The following DUOX1 variants were observed in gnomAD, a reference collection of about 807,000 sequenced individuals.
The protein encoded by DUOX1 is dual oxidase 1, also known as NADPH thyroid oxidase 1.
A neutral mutation model predicts 181.8 loss-of-function variants in DUOX1; 134 were observed. That is an observed-to-expected ratio of 0.74 (90% CI 0.64 to 0.85). The LOEUF (loss-of-function observed/expected upper bound fraction) is 0.85, where lower values mean the gene tolerates loss of function less well. DUOX1 is among the 40% of genes least tolerant of loss of function. The pLI is 0.00. For synonymous variants in DUOX1, 798 were observed against 832.5 expected (o/e 0.96, Z 0.71); for missense variants, 1,814 against 2,064.4 (o/e 0.88, Z 2.35).
chr15:45,141,343 C>A lies in DUOX1; in HGVS notation c.1617C>A (p.Asp539Glu). 6.2e-7 allele frequency: 1 copy of A among 1,614,258 alleles called. No homozygotes were observed. The change falls in exon 14 of 34, where the codon GAC becomes GAA. Residue 539 changes from aspartate to glutamate, a missense_variant. This residue lies in a region of DUOX1 where 1,064 missense variants were observed against 1,152.9 expected (regional missense o/e 0.92). Coordinates refer to ENST00000389037, the MANE Select transcript of DUOX1 (RefSeq NM_175940.3). ...AAATCCGAAATACCACCCTGCAGGACGTGCTGGTCGCTGTTATCAACATTG... is the reference window on the plus strand; with the variant it reads ...AAATCCGAAATACCACCCTGCAGGAAGTGCTGGTCGCTGTTATCAACATTG... ...IEEIRNTTLQ[D>E]VLVAVINIDP...
In DUOX1 at chr15:45,151,191, T is replaced by G. The variant is rs752319592; in HGVS notation, c.2957T>G (p.Leu986Arg). The G allele has an allele frequency of 1.2e-6, 2 of 1,614,212 alleles. No individual in the cohort carries two copies. Among genetic ancestry groups the G allele is most frequent in the Non-Finnish European group, 1.7e-6 (2 of 1,180,032 alleles). The change falls in exon 23 of 34, where the codon CTG (leucine) becomes CGG (arginine). Residue 986 changes from leucine (L) to arginine (R), a missense_variant. Coordinates refer to ENST00000389037, the MANE Select transcript of DUOX1 (RefSeq NM_175940.3). ...GAGACTGAGTTGACACCTCAGAGAC[T>G]GCAGTGCCCCATGGACACAGACCCT... ...DIETELTPQR[L>R]QCPMDTDPPQ... is the part of the protein sequence containing the mutation.
At position 45,151,057 on chromosome 15, in the gene DUOX1, C is replaced by T. The variant is rs1896788571; in HGVS notation, c.2889-66C>T. 8 of 1,595,234 alleles carry T rather than the reference C, an allele frequency of 5.0e-6. No individual in the cohort carries two copies. In the Admixed American group the frequency reaches 8.5e-5, roughly 17 times the overall value. The stretch of plus-strand genomic sequence containing the variant: ...TCAGCAGAATGGGTTTGGAGGCAGA[C>T]CAGGATAGCAGAGGAACGAGTGGTT... On this transcript the variant is annotated intron_variant, in intron 22 of 33. Coordinates refer to ENST00000389037, the MANE Select transcript of DUOX1 (RefSeq NM_175940.3).
chr15:45,139,205 T>TG, intron 11 of DUOX1, 37 bp downstream of exon 11: 1 of 1,613,716 alleles, frequency 6.2e-7, no homozygotes, highest in Non-Finnish European at 8.5e-7. Context: ...TGTGAACTCC[T>TG]GGCCTCTGGG....
chr15:45,142,808 G>A (rs1468034544), intron 15 of DUOX1, among the ~76,000 whole-genome samples: 1 of 151,006 alleles, frequency 6.6e-6, no homozygotes, highest in Non-Finnish European at 1.5e-5. Context: ...AGGGAGGGAG[G>A]AAGAGCAGGC....
chr15:45,136,059 C>G (rs1199161033), intron 7 of DUOX1, 111 bp downstream of exon 7: 1 of 1,507,248 alleles, frequency 6.6e-7, no homozygotes, highest in African/African-American at 1.4e-5. Context: ...AGAAACCCCT[C>G]CCCAGACAGC....
intron 13 of DUOX1, 65 bp from the exon 14 acceptor site, chr15:45,141,227 G>A (rs963190348): frequency 2.5e-6 from 4 of 1,591,226 alleles, no homozygotes; most frequent in Non-Finnish European, 3.4e-6. Flanking sequence ...GGGTCCTTGG[G>A]CCTGGGGTTG....
At position 45,144,109 on chromosome 15, in the gene DUOX1, G is replaced by T; in HGVS notation, c.2010G>T (p.Val670=). The part of the protein sequence containing the change: ...LVYLQPGQIR[V]VDGRLTVLRT... ...ACCTGCAGCCCGGGCAGATCCGTGT[G>T]GTAGATGGCAGGCTCACCGTGCTCC... is the stretch of plus-strand genomic sequence containing the variant. The change falls in exon 17 of 34, where the codon GTG becomes GTT. Residue 670 remains valine, a synonymous_variant. Coordinates refer to ENST00000389037, the MANE Select transcript of DUOX1 (RefSeq NM_175940.3). The T allele has an allele frequency of 6.2e-7, 1 of 1,614,042 alleles. No homozygotes were observed. Among genetic ancestry groups the T allele is most frequent in the Non-Finnish European group, 8.5e-7 (1 of 1,180,052 alleles).
In DUOX1 at chr15:45,142,101, G is replaced by T. The variant is rs764526368; in HGVS notation, c.1811G>T (p.Cys604Phe). The change falls in exon 15 of 34, where the codon TGC (cysteine) becomes TTC (phenylalanine). Residue 604 changes from cysteine (C) to phenylalanine (F), a missense_variant. Coordinates refer to ENST00000389037, the MANE Select transcript of DUOX1 (RefSeq NM_175940.3). ...GGGGTCACCATCGGGACCCTCTGTT[G>T]CTTCCCTTTGGGTAAAATCATGGAC... ...GFGVTIGTLC[C>F]FPLVSLLSAW... The T allele has an allele frequency of 1.2e-6, 2 of 1,613,686 alleles. No homozygotes were observed. Among genetic ancestry groups the T allele is most frequent in the South Asian group, 2.2e-5 (2 of 91,010 alleles).
At chr15:45,140,784 G>T (rs1305226001) in intron 12 of DUOX1, 111 bp from the exon 13 acceptor site, 2 of 1,104,942 alleles carry the variant, frequency 1.8e-6, no homozygotes, top group Non-Finnish European at 2.7e-6. Context: ...GTGAGTTACT[G>T]TTACTGTCAT....
chr15:45,161,713 C>A, intron 29 of DUOX1, 25 bp from the exon 30 acceptor site: 1 of 1,607,828 alleles, frequency 6.2e-7, no homozygotes, highest in Non-Finnish European at 8.5e-7. Flanking sequence ...AGGGCAGCAG[C>A]TTCTCACCCA....
intron 10 of DUOX1, among the ~76,000 whole-genome samples, chr15:45,138,353 G>A (rs1896391187): frequency 6.6e-6 from 1 of 152,116 alleles, no homozygotes; most frequent in Admixed American, 6.5e-5. Context: ...GACAGCTTTG[G>A]GCGTCCTGTA....
Position 45,162,282 on chromosome 15 carries a change from T to C in DUOX1, c.4153T>C (p.Leu1385=), listed in dbSNP as rs2141311244. The change falls in exon 31 of 34, where the codon TTA becomes CTA. Residue 1385 remains leucine (L), a synonymous_variant. Coordinates refer to ENST00000389037, the MANE Select transcript of DUOX1 (RefSeq NM_175940.3). ...QEWHKFEVSV[L]VGGGIGVTPF... is the part of the protein sequence containing the mutation. ...GTGGCATAAGTTTGAGGTGTCAGTG[T>C]TAGTGGGAGGGGGCATTGGGGTCAC... is the stretch of plus-strand genomic sequence containing the variant. 6.2e-7 allele frequency: 1 copy of C among 1,613,812 alleles called. No homozygotes were observed. Among genetic ancestry groups the C allele is most frequent in the Non-Finnish European group, 8.5e-7 (1 of 1,179,878 alleles).
intron 19 of DUOX1, 36 bp from the exon 20 acceptor site, chr15:45,147,868 G>A: frequency 6.3e-7 from 1 of 1,586,832 alleles, no homozygotes. Context: ...AGGCAGGCAG[G>A]CGGGGGCTCT....
At chr15:45,149,833 A>G (rs1453118736) in intron 21 of DUOX1, among the ~76,000 whole-genome samples, 1 of 152,238 alleles carries the variant, frequency 6.6e-6, no homozygotes, top group African/African-American at 2.4e-5. Context: ...CCTGGGCGAC[A>G]GAGACTCTGT....
At chr15:45,149,635 G>C (rs944744000) in intron 21 of DUOX1, among the ~76,000 whole-genome samples, 3 of 152,168 alleles carry the variant, frequency 2.0e-5, no homozygotes, top group Non-Finnish European at 4.4e-5. Context: ...GATCACTTGA[G>C]GTCAGGAGTT....
chr15:45,161,039 G>A (rs7495495), intron 29 of DUOX1, 49 bp downstream of exon 29: 145,528 of 1,610,810 alleles, frequency 0.09, 7,431 homozygotes, highest in Non-Finnish European at 0.11. Flanking sequence ...GGAGCTGACC[G>A]GGCAGAGGCA....
chr15:45,137,985 C>T lies in DUOX1; in HGVS notation c.1084C>T (p.Arg362Trp), dbSNP rs749449048. ...NRNSSVSRALRVCNSYWSREH... is the reference protein window; with the variant it reads ...NRNSSVSRALWVCNSYWSREH... ...GAACTCAAGTGTCTCCAGAGCTCTC[C>T]GGGTCTGCAACAGCTACTGGAGCCG... Residue 362 changes from arginine to tryptophan, a missense_variant, in exon 10 of 34, where the codon CGG becomes TGG. Around this residue, in one of 5 missense-constraint regions of DUOX1, gnomAD observed 1,064 missense variants for 1,152.9 expected, o/e 0.92. Transcript: ENST00000389037. 3.7e-6 allele frequency: 6 copies of T among 1,609,916 alleles called. No homozygotes were observed. The highest frequency in any genetic ancestry group is 1.1e-5 in the South Asian group (1 of 90,514).
intron 28 of DUOX1, among the ~76,000 whole-genome samples, chr15:45,160,542 G>C (rs898642193): frequency 8.6e-5 from 10 of 115,752 alleles, no homozygotes; most frequent in African/African-American, 3.1e-4. Context: ...AGTGAGACAA[G>C]ACCAGTAGAA....
intron 25 of DUOX1, 85 bp from the exon 26 acceptor site, chr15:45,153,294 TG>T: frequency 1.0e-6 from 1 of 958,376 alleles, no homozygotes; most frequent in Non-Finnish European, 1.7e-6. Context: ...ACCCCCACTC[TG>T]GCCAGGGTCC....
Sources: allele counts gnomAD v4.1 joint callset (sites outside exome capture counted in the v4.1 genomes callset), GRCh38; gene constraint gnomAD v4.1.1; regional missense constraint gnomAD v4.1.1; transcripts MANE v1.5; gene names NCBI Gene and HGNC (gene_info 2026-07-23, HGNC 2026-07-21).